COCH: variants seen among roughly 807,000 people sequenced by gnomAD.
COCH encodes cochlin.
Under a neutral mutation model 54.8 loss-of-function variants are expected in COCH, and 40 were observed. The observed-to-expected ratio is 0.73, with a 90% CI of 0.57 to 0.95. COCH has a LOEUF of 0.95. Ranked by LOEUF, COCH falls within the 40% of genes least tolerant of loss-of-function variation. The pLI is 0.00. For synonymous variants in COCH, 256 were observed against 237.9 expected, an observed-to-expected ratio of 1.08 and a Z score of -0.70; for missense variants, 605 against 675.0, an observed-to-expected ratio of 0.90 and a Z score of 1.15.
At chr14:30,880,369 T>C (rs2138850266) in intron 6 of COCH, 83 bp from the exon 7 acceptor site, 31 of 1,581,294 alleles carry the variant, frequency 2.0e-5, no homozygotes, top group Non-Finnish European at 2.6e-5. Flanking sequence ...TGGCACTCTG[T>C]TGTTATGAGC....
chr14:30,888,604 T>G (rs1175624265), intron 11 of COCH, among the ~76,000 whole-genome samples: 1 of 151,774 alleles, frequency 6.6e-6, no homozygotes, highest in African/African-American at 2.4e-5. Flanking sequence ...CTGAACAACA[T>G]GGTGAAACCC....
At chr14:30,881,325 T>G (rs1259425569) in intron 8 of COCH, among the ~76,000 whole-genome samples, 1 of 152,180 alleles carries the variant, frequency 6.6e-6, no homozygotes, top group East Asian at 1.9e-4. Context: ...GTATAAACAT[T>G]TGAGTTATGG....
intron 10 of COCH, 23 bp from the exon 11 acceptor site, chr14:30,885,773 C>A (rs143509273): frequency 1.9e-6 from 3 of 1,613,182 alleles, no homozygotes; most frequent in Middle Eastern, 3.3e-4. Flanking sequence ...TTTTGGATAT[C>A]TTTTATGTGT....
chr14:30,880,457 C>A lies in COCH; in HGVS notation c.442C>A (p.Arg148=), dbSNP rs755252656. The change falls in exon 7 of 12, where the codon CGA becomes AGA. Residue 148 remains arginine (R), a synonymous_variant. Coordinates refer to ENST00000396618, the MANE Select transcript of COCH (RefSeq NM_004086.3). ...VSTAHPPTGK[R]LKKTPEKKTG... ...AAGTGCATCTTTTATTTCAGGTAAA[C>A]GACTAAAGAAAACACCCGAGAAGAA... The A allele has an allele frequency of 6.2e-7, 1 of 1,613,920 alleles. No homozygotes were observed. The highest frequency in any genetic ancestry group is 1.1e-5 in the South Asian group (1 of 91,036).
rs121908934 is a variant in COCH at position 30,889,673 on chromosome 14, T to C, written c.1535T>C (p.Met512Thr). Residue 512 changes from methionine to threonine, a missense_variant, in exon 12 of 12, where the codon ATG becomes ACG. By Grantham distance (81) the Met-to-Thr change is moderately conservative (BLOSUM62 -1). Transcript: ENST00000396618. ...AWAPLDDLKD[M>T]ASKPKESHAF... Reference sequence around the variant, plus strand: ...GCACCTCTGGATGACCTGAAAGATATGGCTTCTAAACCGAAGGAGTCTCAT... The same window carrying C: ...GCACCTCTGGATGACCTGAAAGATACGGCTTCTAAACCGAAGGAGTCTCAT... 5 of 1,613,990 alleles carry C rather than the reference T, an allele frequency of 3.1e-6. No homozygotes were observed. Among genetic ancestry groups the C allele is most frequent in the Admixed American group, 1.7e-5 (1 of 60,010 alleles).
chr14:30,893,293 C>T (rs1011511738), downstream of COCH, among the ~76,000 whole-genome samples: 5 of 151,902 alleles, frequency 3.3e-5, no homozygotes, highest in African/African-American at 1.2e-4. Flanking sequence ...ACCATAGGCA[C>T]CCGCCACCAC....
rs1124181 is a variant in COCH at position 30,877,360 on chromosome 14, G to C, written c.83-212G>C. The C allele has an allele frequency of 0.65, 379,653 of 586,844 alleles. 124,435 individuals carry two copies. The highest frequency in any genetic ancestry group is 0.8 in the South Asian group (38,460 of 48,032). The allele number at this position is 586,844 out of a possible 1,614,324, so 36.4% of individuals were successfully genotyped here. A position where few individuals can be genotyped will look rare whatever the true frequency, so the allele number is the denominator to read the frequency against. On this transcript the variant is annotated intron_variant, in intron 3 of 11. Transcript: ENST00000396618. This position sits in a 1 kb window ranked among gnomAD's most constrained non-coding sequence, Gnocchi z 8.6. ...AAAAACCCAGAACTTTCACATTAGA[G>C]TTTTATAGTGGCTGGGGACTATATT... is the stretch of plus-strand genomic sequence containing the variant.
chr14:30,874,703 G>A, intron 1 of COCH, 112 bp downstream of exon 1: 1 of 598,810 alleles, frequency 1.7e-6, no homozygotes, highest in Non-Finnish European at 3.0e-6. Context: ...CCGCCTCCCC[G>A]CGGTGCGGGG....
At chr14:30,878,712 T>C (rs1463621481) in intron 4 of COCH, 99 bp from the exon 5 acceptor site, 13 of 1,544,464 alleles carry the variant, frequency 8.4e-6, no homozygotes, top group East Asian at 2.3e-5. Flanking sequence ...AGCTATTTTC[T>C]TGATTAATCA....
chr14:30,889,850 T>C lies in COCH; in HGVS notation c.*59T>C. 5 of 1,573,888 alleles carry C rather than the reference T, an allele frequency of 3.2e-6. No individual in the cohort carries two copies. The highest frequency in any genetic ancestry group is 4.3e-6 in the Non-Finnish European group (5 of 1,157,660). On this transcript the variant is annotated 3_prime_UTR_variant, in exon 12 of 12. Transcript: ENST00000396618. ...AAGGGGATCCAGTGTGTAAATTGTA[T>C]TCTCATAATACTGAAATGCTTTAGC...
In COCH at chr14:30,885,497, T is replaced by C. The variant is rs1213304437; in HGVS notation, c.837T>C (p.Ser279=). 2 of 1,613,860 alleles carry C rather than the reference T, an allele frequency of 1.2e-6. No homozygotes were observed. The highest frequency in any genetic ancestry group is 8.5e-7 in the Non-Finnish European group (1 of 1,179,688). Residue 279 remains serine (S), a synonymous_variant, in exon 10 of 12, where the codon TCT becomes TCC. Coordinates refer to ENST00000396618, the MANE Select transcript of COCH (RefSeq NM_004086.3). The part of the protein sequence containing the change: ...VVVVFIDGWP[S]DDIEEAGIVA... ...TGGTATTTATTGATGGTTGGCCTTC[T>C]GATGACATCGAGGAAGCAGGCATTG...
At position 30,890,207 on chromosome 14, in the gene COCH, A is replaced by G. The variant is rs900982054; in HGVS notation, c.*416A>G. 2 of 990,838 alleles carry G rather than the reference A, an allele frequency of 2.0e-6. No individual in the cohort carries two copies. Among genetic ancestry groups the G allele is most frequent in the Admixed American group, 5.7e-5 (1 of 17,448 alleles). The allele number at this position is 990,838 out of a possible 1,614,324, so 61.4% of individuals were successfully genotyped here. A position where few individuals can be genotyped will look rare whatever the true frequency, so the allele number is the denominator to read the frequency against. ...AAAATGAAAAGAGAAACTTAAATGA[A>G]CACAGCTCTTTAACATGGTTCAGGT... On this transcript the variant is annotated 3_prime_UTR_variant, in exon 12 of 12. Coordinates refer to ENST00000396618, the MANE Select transcript of COCH (RefSeq NM_004086.3).
chr14:30,885,250 T>G, intron 9 of COCH, 144 bp from the exon 10 acceptor site: 2 of 945,210 alleles, frequency 2.1e-6, no homozygotes, highest in Non-Finnish European at 1.6e-6. Flanking sequence ...AACTGGGTTC[T>G]ATATAATTCT....
rs1344192666 is a variant in COCH at position 30,880,728 on chromosome 14, A to C, written c.623A>C (p.Gln208Pro). The C allele has an allele frequency of 6.2e-7, 1 of 1,612,850 alleles. No individual in the cohort carries two copies. The highest frequency in any genetic ancestry group is 1.1e-5 in the South Asian group (1 of 91,058). The change falls in exon 8 of 12, where the codon CAA (glutamine) becomes CCA (proline). Residue 208 changes from glutamine (Q) to proline (P), a missense_variant. Physicochemically the swap from Gln to Pro is moderately conservative, Grantham distance 76 (BLOSUM62 -1). Coordinates refer to ENST00000396618, the MANE Select transcript of COCH (RefSeq NM_004086.3). The part of the protein sequence containing the change: ...GTEGPHVGLV[Q>P]ASEHPKIEFY... Reference sequence around the variant, plus strand: ...GAAGGACCACATGTGGGCCTTGTTCAAGCCAGGTACCAACCTTGTTAAAAT... The same window carrying C: ...GAAGGACCACATGTGGGCCTTGTTCCAGCCAGGTACCAACCTTGTTAAAAT...
rs1895388894 is a variant in COCH, at chr14:30,877,148, T to G, written c.83-424T>G. ...TTCTATAATTAATATTAAATGACTT[T>G]TATTTTCTAGTTCAGATATAGTTCC... On this transcript the variant is annotated intron_variant, in intron 3 of 11. Coordinates refer to ENST00000396618, the MANE Select transcript of COCH (RefSeq NM_004086.3). This position sits in a 1 kb window ranked among gnomAD's most constrained non-coding sequence, Gnocchi z 8.6. Among the ~76,000 whole-genome samples the G allele has an allele frequency of 6.6e-6, 1 of 152,060 alleles. No individual in the cohort carries two copies. The highest frequency in any genetic ancestry group is 2.4e-5 in the African/African-American group (1 of 41,402).
downstream of COCH, chr14:30,895,385 T>C: frequency 1.3e-6 from 2 of 1,577,962 alleles, no homozygotes. Context: ...CAAGCAAATC[T>C]TGTTACGATG....
rs1895759581 is a variant in COCH, at chr14:30,885,605, C to G, written c.945C>G (p.Val315=). The part of the protein sequence containing the change: ...IPEELGMVQD[V]TFVDKAVCRN... ...AAGAACTGGGGATGGTTCAGGATGT[C>G]ACATTTGTTGACAAGGTAAAGTGGT... is the stretch of plus-strand genomic sequence containing the variant. The change falls in exon 10 of 12, where the codon GTC becomes GTG. Residue 315 remains valine (V), a synonymous_variant. Transcript: ENST00000396618. The G allele has an allele frequency of 6.2e-7, 1 of 1,600,264 alleles. No homozygotes were observed. Among genetic ancestry groups the G allele is most frequent in the East Asian group, 2.2e-5 (1 of 44,806 alleles).
chr14:30,879,791 A>C (rs890181903), intron 6 of COCH, among the ~76,000 whole-genome samples: 2 of 152,136 alleles, frequency 1.3e-5, no homozygotes, highest in Non-Finnish European at 2.9e-5. Context: ...CTACAGGCAC[A>C]TGCCACCACA....
downstream of COCH, among the ~76,000 whole-genome samples, chr14:30,892,257 T>C (rs1896000329): frequency 2.0e-5 from 3 of 152,146 alleles, no homozygotes; most frequent in South Asian, 6.2e-4. Flanking sequence ...AAAATAAACA[T>C]ATATACTAAT....
Sources: gnomAD v4.1 joint callset for allele counts (sites outside exome capture counted in the v4.1 genomes callset) on GRCh38, gnomAD v4.1.1 for gene constraint, Gnocchi (gnomAD v3.1) non-coding constraint, MANE v1.5 for transcripts, NCBI Gene and HGNC (gene_info 2026-07-23, HGNC 2026-07-21) for gene names.